CFAP119: variants seen among roughly 807,000 people sequenced by gnomAD.
The protein encoded by CFAP119 is cilia- and flagella-associated protein 119.
the CFAP119 span, chr16:30,760,552 C>A: frequency 1.3e-6 from 2 of 1,589,390 alleles, no homozygotes; most frequent in Non-Finnish European, 1.7e-6. Context: ...GTTTTCCCAA[C>A]CTGACCCCTC....
At chr16:30,760,580 C>T in the CFAP119 span, 69 of 1,564,886 alleles carry the variant, frequency 4.4e-5, no homozygotes, top group Non-Finnish European at 5.7e-5. Flanking sequence ...GCCAAGAGCT[C>T]TTCCCACGCC....
At chr16:30,757,544 T>C in the CFAP119 span, 6 of 1,614,254 alleles carry the variant, frequency 3.7e-6, no homozygotes, top group Middle Eastern at 1.6e-4. Flanking sequence ...GTCAACTTGC[T>C]GCTGAGCCTT....
the CFAP119 span, chr16:30,761,840 G>T: frequency 8.1e-7 from 1 of 1,235,958 alleles, no homozygotes; most frequent in Non-Finnish European, 1.1e-6. Flanking sequence ...CCAAGGCCGG[G>T]CCCGTTCGCC....
the CFAP119 span, chr16:30,760,560 C>T: frequency 2.4e-5 from 38 of 1,581,834 alleles, no homozygotes; most frequent in African/African-American, 4.7e-4. Flanking sequence ...AACCTGACCC[C>T]TCAGCCTTTG....
chr16:30,760,214 C>T, the CFAP119 span: 1 of 1,612,062 alleles, frequency 6.2e-7, no homozygotes, highest in South Asian at 1.1e-5. Flanking sequence ...TTCTGCTTCC[C>T]ATGGTCACTT....
the CFAP119 span, chr16:30,759,409 A>AC: frequency 6.2e-7 from 1 of 1,614,240 alleles, no homozygotes. Context: ...GTAGTCTTCC[A>AC]AGGCCAGCAG....
chr16:30,759,438 G>T, the CFAP119 span: 1 of 1,614,228 alleles, frequency 6.2e-7, no homozygotes, highest in Non-Finnish European at 8.5e-7. Context: ...CTTTGAAGAG[G>T]TCGATGCTGA....
the CFAP119 span, chr16:30,759,070 C>G: frequency 6.2e-7 from 1 of 1,614,230 alleles, no homozygotes; most frequent in Non-Finnish European, 8.5e-7. Context: ...GGGTAACTGC[C>G]TGCTCCTCCA....
chr16:30,761,547 G>A, the CFAP119 span: 1 of 1,536,174 alleles, frequency 6.5e-7, no homozygotes, highest in Admixed American at 2.0e-5. Flanking sequence ...GCCCTCACCG[G>A]AAACAAGTTG....
chr16:30,761,732 G>A, the CFAP119 span: 6 of 1,525,348 alleles, frequency 3.9e-6, no homozygotes, highest in African/African-American at 1.4e-5. Context: ...AAAGTGGCTG[G>A]TCTTGCGGTT....
the CFAP119 span, chr16:30,761,694 C>A: frequency 6.5e-7 from 1 of 1,535,074 alleles, no homozygotes; most frequent in African/African-American, 1.4e-5. Flanking sequence ...GAGAGATGTT[C>A]AAGCTCCGAC....
the CFAP119 span, chr16:30,757,893 G>A: frequency 1.7e-6 from 2 of 1,193,012 alleles, no homozygotes; most frequent in Non-Finnish European, 2.2e-6. Flanking sequence ...TGTGACCTTA[G>A]GCAGGTTATT....
the CFAP119 span, chr16:30,757,788 A>C: frequency 7.0e-7 from 1 of 1,427,564 alleles, no homozygotes; most frequent in Non-Finnish European, 9.1e-7. Context: ...GTTTCCCTTT[A>C]GGAAATGTTA....
At chr16:30,759,933 C>A in the CFAP119 span, 16 of 1,440,950 alleles carry the variant, frequency 1.1e-5, no homozygotes, top group Non-Finnish European at 1.5e-5. Flanking sequence ...AGACAAGGTC[C>A]TGCCCTTACG....
chr16:30,757,604 G>C, the CFAP119 span: 3 of 1,614,192 alleles, frequency 1.9e-6, no homozygotes, highest in South Asian at 1.1e-5. Flanking sequence ...AGCTGCTCCA[G>C]CTCTTTGTTC....
chr16:30,757,628 T>C, the CFAP119 span: 2 of 1,613,902 alleles, frequency 1.2e-6, no homozygotes, highest in Non-Finnish European at 1.7e-6. Flanking sequence ...TGGGTCTTGA[T>C]GTAGGCTCGG....
the CFAP119 span, chr16:30,760,532 C>T: frequency 6.2e-7 from 1 of 1,605,064 alleles, no homozygotes; most frequent in Non-Finnish European, 8.5e-7. Context: ...TGGAGTCAGC[C>T]ATTCCTCATG....
At chr16:30,761,761 C>T in the CFAP119 span, 6 of 1,512,740 alleles carry the variant, frequency 4.0e-6, no homozygotes, top group African/African-American at 8.3e-5. Flanking sequence ...CGCCGCTCTT[C>T]CGTGCCGCGA....
chr16:30,757,654 C>T, the CFAP119 span: 1 of 1,609,054 alleles, frequency 6.2e-7, no homozygotes, highest in Non-Finnish European at 8.5e-7. Context: ...GTGGATGTGG[C>T]CTGCAGGGGC....
Sources: gnomAD v4.1 joint callset for allele counts on GRCh38, gnomAD v4.1.1 for gene constraint, MANE v1.5 for transcripts, NCBI Gene and HGNC (gene_info 2026-07-23, HGNC 2026-07-21) for gene names.